Variants in NOX4 observed in about 807,000 individuals in gnomAD.
The protein encoded by NOX4 is kidney oxidase-1.
Under a neutral mutation model 87.6 loss-of-function variants are expected in NOX4, and 69 were observed. That is an observed-to-expected ratio of 0.79 (90% confidence interval 0.65 to 0.96). The LOEUF (loss-of-function observed/expected upper bound fraction) is 0.96. NOX4 is among the 40% of genes least tolerant of loss of function. NOX4 has a pLI of 0.00. For synonymous variants in NOX4, 275 were observed against 238.2 expected (o/e 1.15, Z -1.42); for missense variants, 680 against 681.5 (o/e 1.00, Z 0.02).
At chr11:89,347,906 C>G (rs1299034537) in intron 13 of NOX4, among the ~76,000 whole-genome samples, 1 of 152,178 alleles carries the variant, frequency 6.6e-6, no homozygotes, top group Admixed American at 6.5e-5. Flanking sequence ...AAATGTAAGT[C>G]TAATTATCTT....
At chr11:89,476,363 T>C (rs932291448) in intron 2 of NOX4, among the ~76,000 whole-genome samples, 1 of 152,168 alleles carries the variant, frequency 6.6e-6, no homozygotes, top group Non-Finnish European at 1.5e-5. Context: ...GAAAGATATA[T>C]AGAAGTTAAA....
chr11:89,570,795 C>A, the NOX4 span, among the ~76,000 whole-genome samples: 3 of 152,156 alleles, frequency 2.0e-5, no homozygotes, highest in Non-Finnish European at 4.4e-5. Flanking sequence ...CATTGCACTG[C>A]AGCCTGGGAA....
At chr11:89,558,944 A>G in the NOX4 span, among the ~76,000 whole-genome samples, 1 of 151,494 alleles carries the variant, frequency 6.6e-6, no homozygotes, top group East Asian at 1.9e-4. Context: ...AACACTCTCA[A>G]TTTTCACCTA....
At chr11:89,517,494 G>A in the NOX4 span, among the ~76,000 whole-genome samples, 1 of 151,640 alleles carries the variant, frequency 6.6e-6, no homozygotes, top group Admixed American at 6.6e-5. Context: ...TAGAGACAGG[G>A]TCTTGCTGTG....
At chr11:89,388,719 A>G (rs1940899580) in intron 11 of NOX4, among the ~76,000 whole-genome samples, 4 of 152,066 alleles carry the variant, frequency 2.6e-5, no homozygotes, top group South Asian at 4.1e-4. Flanking sequence ...GTTCCCCTCA[A>G]ATGACTGTTT....
In NOX4 at chr11:89,444,128, C is replaced by A. The variant is rs117709800; in HGVS notation, c.447+7G>T. On this transcript the variant is annotated splice_region_variant and intron_variant, in intron 5 of 17. Transcript: ENST00000263317. The stretch of plus-strand genomic sequence containing the variant: ...GAAAGAAAAATGGGAAGACAGAGAC[C>A]ACCCACCTCATCTCGGTATCTTGCT... 1,692 of 1,611,278 alleles carry A rather than the reference C, an allele frequency of 1.1e-3. 1 individual carries two copies. The highest frequency in any genetic ancestry group is 1.3e-3 in the Non-Finnish European group (1,568 of 1,177,764).
chr11:89,539,915 T>C, the NOX4 span, among the ~76,000 whole-genome samples: 8 of 151,772 alleles, frequency 5.3e-5, no homozygotes, highest in East Asian at 1.6e-3. Context: ...CATAAATTAC[T>C]TACATCTTCT....
At chr11:89,412,188 AAGAG>A (rs199907672) in intron 8 of NOX4, among the ~76,000 whole-genome samples, 3 of 152,194 alleles carry the variant, frequency 2.0e-5, no homozygotes, top group Non-Finnish European at 4.4e-5. Flanking sequence ...ATTAGGGCTA[AAGAG>A]AGAGAAAGAC....
At chr11:89,569,292 A>C in the NOX4 span, among the ~76,000 whole-genome samples, 744 of 152,274 alleles carry the variant, frequency 4.9e-3, 3 homozygotes, top group African/African-American at 0.01. Flanking sequence ...GAAAGAAAAA[A>C]TATTTGCAAA....
chr11:89,358,386 C>CAAAAAAA (rs10558391), intron 12 of NOX4, among the ~76,000 whole-genome samples: 12 of 78,150 alleles, frequency 1.5e-4, no homozygotes, highest in Non-Finnish European at 1.6e-4. Flanking sequence ...AACTTAATCT[C>CAAAAAAA]AAAAAAAAAA....
At chr11:89,451,755 G>C in intron 3 of NOX4, 30 bp downstream of exon 3, 1 of 1,436,336 alleles carries the variant, frequency 7.0e-7, no homozygotes, top group South Asian at 1.1e-5. Context: ...TTTTATGCTG[G>C]AATTTGAAAG....
intron 12 of NOX4, among the ~76,000 whole-genome samples, chr11:89,369,469 T>C (rs898622966): frequency 2.0e-5 from 3 of 152,122 alleles, no homozygotes; most frequent in Non-Finnish European, 4.4e-5. Flanking sequence ...GTATCTCCAG[T>C]GACTAATAAA....
chr11:89,378,193 T>C (rs1280701368), intron 11 of NOX4, among the ~76,000 whole-genome samples: 2 of 152,186 alleles, frequency 1.3e-5, no homozygotes, highest in Non-Finnish European at 1.5e-5. Context: ...TGTTTCAAAT[T>C]CTTTCTGGCT....
At chr11:89,410,963 T>C (rs1015902943) in intron 8 of NOX4, among the ~76,000 whole-genome samples, 1 of 152,052 alleles carries the variant, frequency 6.6e-6, no homozygotes, top group African/African-American at 2.4e-5. Context: ...GGGAGAGACC[T>C]CTTCCTTCTG....
At chr11:89,370,783 T>A (rs1225902774) in intron 12 of NOX4, among the ~76,000 whole-genome samples, 1 of 151,932 alleles carries the variant, frequency 6.6e-6, no homozygotes, top group Non-Finnish European at 1.5e-5. Flanking sequence ...AAAATGAAAA[T>A]CTAGACAACA....
At chr11:89,370,694 A>G (rs1939373552) in intron 12 of NOX4, among the ~76,000 whole-genome samples, 1 of 151,998 alleles carries the variant, frequency 6.6e-6, no homozygotes, top group East Asian at 1.9e-4. Flanking sequence ...ACACTGAATC[A>G]TGTCTAAAAT....
chr11:89,413,409 C>T (rs1942590424), intron 8 of NOX4, among the ~76,000 whole-genome samples: 1 of 152,108 alleles, frequency 6.6e-6, no homozygotes, highest in African/African-American at 2.4e-5. Context: ...TTCACAATAG[C>T]CAAGATTTTG....
intron 17 of NOX4, among the ~76,000 whole-genome samples, chr11:89,328,871 G>A (rs1217227840): frequency 3.9e-5 from 6 of 152,032 alleles, no homozygotes; most frequent in Admixed American, 1.3e-4. Flanking sequence ...CATGCACAGA[G>A]AAAAAGCCAC....
chr11:89,442,699 T>C (rs1944509673), intron 5 of NOX4, among the ~76,000 whole-genome samples: 1 of 152,164 alleles, frequency 6.6e-6, no homozygotes, highest in African/African-American at 2.4e-5. Flanking sequence ...TTCATTTACT[T>C]GAGAGTTTTA....
Sources: allele counts gnomAD v4.1 joint callset (sites outside exome capture counted in the v4.1 genomes callset), GRCh38; gene constraint gnomAD v4.1.1; transcripts MANE v1.5; gene names NCBI Gene and HGNC (gene_info 2026-07-23, HGNC 2026-07-21).